Variants in WNT7B observed in about 807,000 individuals in gnomAD.
The protein encoded by WNT7B is Wnt family member 7B, also known as protein Wnt-7b.
Under a neutral mutation model 38.2 loss-of-function variants are expected in WNT7B, and 19 were observed. That is an observed-to-expected ratio of 0.50 (90% CI 0.35 to 0.73). The LOEUF is 0.73. Ranked by LOEUF, WNT7B falls within the 30% of genes least tolerant of loss-of-function variation. The probability of loss-of-function intolerance (pLI) is 0.01; values close to 1 mark genes in which losing one functional copy is unlikely to be tolerated. For missense variants in WNT7B, 423 were observed against 507.9 expected (o/e 0.83, Z 1.61); for synonymous variants, 243 against 209.3 (o/e 1.16, Z -1.39).
chr22:45,943,637 G>A (rs1008094971), intron 2 of WNT7B, among the ~76,000 whole-genome samples: 5 of 152,184 alleles, frequency 3.3e-5, no homozygotes, highest in East Asian at 1.9e-4. Context: ...CCTGGCGGGC[G>A]GTTCCCTGAG....
At chr22:45,925,672 T>C (rs1931061060) in intron 3 of WNT7B, 1 of 985,282 alleles carries the variant, frequency 1.0e-6, no homozygotes, top group South Asian at 4.7e-5. Context: ...TAACCTGCCC[T>C]TCAGGCCTGG....
intron 1 of WNT7B, among the ~76,000 whole-genome samples, chr22:45,974,660 G>A (rs1323286522): frequency 2.0e-5 from 3 of 152,126 alleles, no homozygotes; most frequent in Non-Finnish European, 4.4e-5. Context: ...TGGGGCCTGA[G>A]GGCAGAGCCA....
intron 1 of WNT7B, chr22:45,954,920 A>G (rs1932025028): frequency 4.0e-6 from 1 of 251,418 alleles, no homozygotes; most frequent in South Asian, 1.5e-4. Context: ...CAGAGAGGCT[A>G]GGGGACCTGT....
intron 2 of WNT7B, among the ~76,000 whole-genome samples, chr22:45,946,104 C>A (rs1283678624): frequency 6.6e-6 from 1 of 152,156 alleles, no homozygotes; most frequent in East Asian, 1.9e-4. Context: ...AAGGAAGCAG[C>A]CTGCAGAGGG....
rs899102562 is a variant in WNT7B, at chr22:45,975,836, C to T, written c.71+848G>A. On this transcript the variant is annotated intron_variant, in intron 1 of 3. Coordinates refer to ENST00000339464, the MANE Select transcript of WNT7B (RefSeq NM_058238.3). The surrounding 1 kb of genome is among the most constrained non-coding windows in gnomAD (Gnocchi z 6.6). The stretch of plus-strand genomic sequence containing the variant: ...CCCCAGGCGAGGTGCACCGCACCCC[C>T]TCTCCGTCACGCCGTTTCTCCACCC... 1.8e-4 allele frequency: 52 copies of T among 286,622 alleles called. No homozygotes were observed. The Middle Eastern group carries it at 3.9e-3, about 22-fold the overall frequency. 17.8% of individuals were successfully genotyped at this position (286,622 alleles called of 1,614,324 possible).
chr22:45,929,547 A>C (rs866526362), intron 3 of WNT7B, among the ~76,000 whole-genome samples: 1 of 118,936 alleles, frequency 8.4e-6, no homozygotes, highest in African/African-American at 3.3e-5. Context: ...CATCCTTCCA[A>C]CCATCCTTCC....
chr22:45,963,024 TCTGCAGA>T (rs1466059508), intron 1 of WNT7B, among the ~76,000 whole-genome samples: 1 of 152,098 alleles, frequency 6.6e-6, no homozygotes, highest in African/African-American at 2.4e-5. Context: ...CCACCACCTC[TCTGCAGA>T]CTGCAAGACA....
At chr22:45,957,712 A>AAAAC (rs1932104880) in intron 1 of WNT7B, among the ~76,000 whole-genome samples, 1 of 145,438 alleles carries the variant, frequency 6.9e-6, no homozygotes, top group African/African-American at 2.6e-5. Context: ...AAAAAAAAAA[A>AAAAC]CAGAAAACAC....
intron 1 of WNT7B, among the ~76,000 whole-genome samples, chr22:45,955,602 G>A (rs73888729): frequency 0.17 from 26,398 of 152,066 alleles, 2,443 homozygotes; most frequent in Middle Eastern, 0.28. Context: ...CTGGGAGCGG[G>A]GGCATTCATG....
chr22:45,956,458 C>T (rs760230726), intron 1 of WNT7B, among the ~76,000 whole-genome samples: 2 of 152,214 alleles, frequency 1.3e-5, no homozygotes, highest in African/African-American at 4.8e-5. Flanking sequence ...TCTATGGGGC[C>T]CCAAGCCCGA....
chr22:45,976,906 G>A lies in WNT7B; in HGVS notation c.-152C>T. The A allele has an allele frequency of 1.0e-6, 1 of 995,116 alleles. No individual in the cohort carries two copies. Among genetic ancestry groups the A allele is most frequent in the Admixed American group, 6.1e-5 (1 of 16,384 alleles). The allele number at this position is 995,116 out of a possible 1,614,324, so 61.6% of individuals were successfully genotyped here. ...CCGGCGACGCGCGGGCACTCGGCGC[G>A]CGCTGCCACCATGGTGAGCCCGGGA... On this transcript the variant is annotated 5_prime_UTR_variant, in exon 1 of 4. Transcript: ENST00000339464. The surrounding 1 kb of genome is among the most constrained non-coding windows in gnomAD (Gnocchi z 8.5).
At chr22:45,945,979 G>A (rs1601728253) in intron 2 of WNT7B, among the ~76,000 whole-genome samples, 1 of 152,252 alleles carries the variant, frequency 6.6e-6, no homozygotes, top group Non-Finnish European at 1.5e-5. Context: ...GCATTCCCTG[G>A]CAGCTCAAGG....
intron 1 of WNT7B, among the ~76,000 whole-genome samples, chr22:45,967,830 C>A (rs936728226): frequency 3.3e-5 from 5 of 152,160 alleles, no homozygotes; most frequent in Non-Finnish European, 5.9e-5. Context: ...TCAAAAATCA[C>A]CAACTTCATG....
intron 3 of WNT7B, among the ~76,000 whole-genome samples, chr22:45,930,410 G>T (rs1258469925): frequency 6.6e-6 from 1 of 152,224 alleles, no homozygotes; most frequent in Admixed American, 6.5e-5. Context: ...AGCCGGCTGG[G>T]CGTTCCACTT....
chr22:45,976,075 G>T lies in WNT7B; in HGVS notation c.71+609C>A, dbSNP rs1350898003. ...CCAGGGCCCAGGGCCCCGGGCGGGC[G>T]GGGCACGGGCCCCGGACCGAGCCCG... On this transcript the variant is annotated intron_variant, in intron 1 of 3. Transcript: ENST00000339464. The surrounding 1 kb of genome is among the most constrained non-coding windows in gnomAD (Gnocchi z 8.5). The T allele has an allele frequency of 1.4e-5, 2 of 145,316 alleles. No individual in the cohort carries two copies. Among genetic ancestry groups the T allele is most frequent in the African/African-American group, 4.9e-5 (2 of 40,592 alleles). 9.0% of individuals were successfully genotyped at this position (145,316 alleles called of 1,614,324 possible). A position where few individuals can be genotyped will look rare whatever the true frequency, so the allele number is the denominator to read the frequency against.
chr22:45,938,004 G>A (rs112194204), intron 2 of WNT7B, among the ~76,000 whole-genome samples: 2,223 of 151,372 alleles, frequency 0.015, 51 homozygotes, highest in African/African-American at 0.051. Flanking sequence ...GCGAGACTCC[G>A]TCTAAAAAAA....
Position 45,922,857 on chromosome 22 carries a change from C to A in WNT7B, c.1049G>T (p.Ter350LeuextTer77). Residue 350 changes from the stop codon to leucine, a stop_lost, in exon 4 of 4, where the codon TGA becomes TTA. Transcript: ENST00000339464. Reference protein sequence around the residue: ...SERTEVFTCK* With the variant: ...SERTEVFTCKL ...CCGCGGCCGCCTCCGGGCCTGGCCT[C>A]ACTTGCAGGTGAAGACCTCGGTGCG... 2 of 1,593,226 alleles carry A rather than the reference C, an allele frequency of 1.3e-6. No individual in the cohort carries two copies. The highest frequency in any genetic ancestry group is 1.7e-6 in the Non-Finnish European group (2 of 1,164,632).
intron 1 of WNT7B, among the ~76,000 whole-genome samples, chr22:45,968,383 C>T (rs1601742607): frequency 6.6e-6 from 1 of 152,152 alleles, no homozygotes; most frequent in East Asian, 1.9e-4. Flanking sequence ...TAGAGCTTCC[C>T]ACAGCCACCC....
intron 1 of WNT7B, among the ~76,000 whole-genome samples, chr22:45,969,579 G>A (rs1036279379): frequency 1.2e-4 from 19 of 152,258 alleles, no homozygotes; most frequent in Middle Eastern, 3.2e-3. Context: ...GGCCAGAGCC[G>A]CCTAGCACGG....
Sources: gnomAD v4.1 joint callset for allele counts (sites outside exome capture counted in the v4.1 genomes callset) on GRCh38, gnomAD v4.1.1 for gene constraint, Gnocchi (gnomAD v3.1) non-coding constraint, MANE v1.5 for transcripts, NCBI Gene and HGNC (gene_info 2026-07-23, HGNC 2026-07-21) for gene names.